The following MTDH variants were observed in gnomAD, a reference collection of about 807,000 sequenced individuals.
The protein encoded by MTDH is metadherin.
In MTDH, 34 loss-of-function variants were observed where a neutral mutation model predicts 72.7. The observed-to-expected ratio is 0.47, with a 90% confidence interval of 0.36 to 0.62. The LOEUF is 0.62. Ranked by LOEUF, MTDH falls within the 20% of genes least tolerant of loss-of-function variation. The pLI, the probability that MTDH is intolerant of heterozygous loss-of-function variation, is 0.00. For missense variants in MTDH, 677 were observed against 699.4 expected, an observed-to-expected ratio of 0.97 and a Z score of 0.36; for synonymous variants, 266 against 268.9, an observed-to-expected ratio of 0.99 and a Z score of 0.10.
chr8:97,648,211 A>G (rs1811635323), intron 1 of MTDH, among the ~76,000 whole-genome samples: 1 of 152,070 alleles, frequency 6.6e-6, no homozygotes, highest in Non-Finnish European at 1.5e-5. Context: ...TTCCCTAATT[A>G]AAAGTGAGGG....
intron 8 of MTDH, among the ~76,000 whole-genome samples, chr8:97,708,813 T>C (rs944800521): frequency 6.6e-6 from 1 of 151,636 alleles, no homozygotes; most frequent in African/African-American, 2.4e-5. Flanking sequence ...TTAGCCAGGC[T>C]GGTCTCAAAC....
rs202037798 is a variant in MTDH at position 97,644,725 on chromosome 8, G to A, written c.219G>A (p.Ala73=). The A allele has an allele frequency of 2.5e-6, 4 of 1,583,088 alleles. No homozygotes were observed. Among genetic ancestry groups the A allele is most frequent in the East Asian group, 4.8e-5 (2 of 41,540 alleles). Residue 73 remains alanine (A), a synonymous_variant, in exon 1 of 12, where the codon GCG becomes GCA. Transcript: ENST00000336273. ...LLFLLGYGWA[A]ACAGARKKRR... is the part of the protein sequence containing the mutation. Reference sequence around the variant, plus strand: ...TTCTGCTGGGCTACGGCTGGGCCGCGGCTTGCGCCGGCGCCCGCAAAAAGC... The same window carrying A: ...TTCTGCTGGGCTACGGCTGGGCCGCAGCTTGCGCCGGCGCCCGCAAAAAGC...
intron 8 of MTDH, among the ~76,000 whole-genome samples, chr8:97,712,420 T>C (rs1161356232): frequency 6.6e-6 from 1 of 152,218 alleles, no homozygotes; most frequent in South Asian, 2.1e-4. Flanking sequence ...TCAGTAGTTG[T>C]ACCTTTTTAC....
intron 1 of MTDH, among the ~76,000 whole-genome samples, chr8:97,657,049 G>GC (rs951053079): frequency 2.0e-5 from 3 of 151,888 alleles, no homozygotes; most frequent in African/African-American, 7.3e-5. Context: ...CTGCTATGTG[G>GC]CCCCCTCTTA....
intron 7 of MTDH, among the ~76,000 whole-genome samples, chr8:97,702,362 G>T (rs957598096): frequency 1.3e-5 from 2 of 152,106 alleles, no homozygotes; most frequent in African/African-American, 4.8e-5. Context: ...CCCTGCCTTT[G>T]CCCATATGCA....
In MTDH at chr8:97,644,362, C is replaced by A; in HGVS notation, c.-145C>A. 1 of 1,155,996 alleles carries A rather than the reference C, an allele frequency of 8.7e-7. No individual in the cohort carries two copies. The highest frequency in any genetic ancestry group is 1.2e-6 in the Non-Finnish European group (1 of 862,010). 71.6% of individuals were successfully genotyped at this position (1,155,996 alleles called of 1,614,324 possible). On this transcript the variant is annotated 5_prime_UTR_variant, in exon 1 of 12. Coordinates refer to ENST00000336273, the MANE Select transcript of MTDH (RefSeq NM_178812.4). ...TCCGCCCTCCCCGCGGTGGCAGCGGCCGATCCCCGGCTCCGGCGCGAGGGA... is the reference window on the plus strand; with the variant it reads ...TCCGCCCTCCCCGCGGTGGCAGCGGACGATCCCCGGCTCCGGCGCGAGGGA...
At chr8:97,664,311 G>GT (rs1410692424) in intron 2 of MTDH, among the ~76,000 whole-genome samples, 1 of 151,650 alleles carries the variant, frequency 6.6e-6, no homozygotes, top group East Asian at 1.9e-4. Flanking sequence ...AGCTGAGATC[G>GT]TACCATTGCA....
At chr8:97,684,901 A>G (rs911634104) in intron 2 of MTDH, among the ~76,000 whole-genome samples, 4 of 152,172 alleles carry the variant, frequency 2.6e-5, no homozygotes, top group African/African-American at 7.2e-5. Flanking sequence ...TCCCATCTCT[A>G]TTAAAAATAT....
At position 97,723,915 on chromosome 8, in the gene MTDH, G is replaced by A. The variant is rs562152721; in HGVS notation, c.1679-685G>A. On this transcript the variant is annotated intron_variant, in intron 11 of 11. Coordinates refer to ENST00000336273, the MANE Select transcript of MTDH (RefSeq NM_178812.4). ...TTGAAGTCAGAAGTTCAAGACCAGC[G>A]TGGCCAACATGGCGAAACCCCGTCT... 7.3e-5 allele frequency among the ~76,000 whole-genome samples: 11 copies of A among 151,362 alleles called. No homozygotes were observed. In the South Asian group the frequency reaches 1.7e-3, roughly 23 times the overall value.
intron 6 of MTDH, 131 bp downstream of exon 6, chr8:97,691,319 T>G (rs12675731): frequency 0.23 from 139,670 of 613,102 alleles, 16,982 homozygotes; most frequent in East Asian, 0.36. Flanking sequence ...TAGTAATAAT[T>G]AACTCATCTC....
intron 2 of MTDH, among the ~76,000 whole-genome samples, chr8:97,686,243 G>A (rs1813357892): frequency 6.6e-6 from 1 of 152,174 alleles, no homozygotes; most frequent in Admixed American, 6.6e-5. Flanking sequence ...CCGTATTACA[G>A]TACTGTATTT....
At position 97,667,624 on chromosome 8, in the gene MTDH, A is replaced by G. The variant is rs1397580511; in HGVS notation, c.483+6451A>G. On this transcript the variant is annotated intron_variant, in intron 2 of 11. Transcript: ENST00000336273. The stretch of plus-strand genomic sequence containing the variant: ...CCTTTTCTCAAAAATGAACAAGGCT[A>G]TCTTGTCGCTTAAAGGAAGCTGGTA... 2.0e-5 allele frequency among the ~76,000 whole-genome samples: 3 copies of G among 152,316 alleles called. No homozygotes were observed. In the East Asian group the frequency reaches 5.8e-4, roughly 29 times the overall value.
chr8:97,644,607 C>G lies in MTDH; in HGVS notation c.101C>G (p.Thr34Ser). Residue 34 changes from threonine to serine, a missense_variant, in exon 1 of 12, where the codon ACC (threonine) becomes AGC (serine). This residue lies in a region of MTDH where 467 missense variants were observed against 469.1 expected (regional missense o/e 1.00). Coordinates refer to ENST00000336273, the MANE Select transcript of MTDH (RefSeq NM_178812.4). ...TCGGTCGGCCTAGGCTTTCTGCGCACCGAGCTGGGCCTCGACCTGGGGCTG... is the reference window on the plus strand; with the variant it reads ...TCGGTCGGCCTAGGCTTTCTGCGCAGCGAGCTGGGCCTCGACCTGGGGCTG... ...MLSVGLGFLRTELGLDLGLEP... is the reference protein window; with the variant it reads ...MLSVGLGFLRSELGLDLGLEP... 6.2e-7 allele frequency: 1 copy of G among 1,609,562 alleles called. No homozygotes were observed.
chr8:97,682,872 G>A (rs934923092), intron 2 of MTDH, among the ~76,000 whole-genome samples: 7 of 151,740 alleles, frequency 4.6e-5, no homozygotes, highest in East Asian at 1.9e-4. Flanking sequence ...TGACGGGTGG[G>A]GAACAGGGTT....
Position 97,650,739 on chromosome 8 carries a change from A to G in MTDH, c.381+5852A>G, listed in dbSNP as rs140367630. On this transcript the variant is annotated intron_variant, in intron 1 of 11. Transcript: ENST00000336273. ...TTGCCTTTTAAAAATTTATTTATTT[A>G]TTTATTTTTTGAGCTGGGGTCTCAC... Among the ~76,000 whole-genome samples the G allele has an allele frequency of 7.7e-3, 1,172 of 151,460 alleles. 15 individuals carry two copies. The highest frequency in any genetic ancestry group is 0.027 in the African/African-American group (1,096 of 41,280).
chr8:97,703,055 G>A (rs1814200798), intron 7 of MTDH, among the ~76,000 whole-genome samples: 1 of 152,156 alleles, frequency 6.6e-6, no homozygotes, highest in African/African-American at 2.4e-5. Context: ...GGTACATTAG[G>A]CCTATGAATC....
rs376654543 is a variant in MTDH, at chr8:97,699,740, G to A, written c.1049-14G>A. 119 of 1,540,728 alleles carry A rather than the reference G, an allele frequency of 7.7e-5. No homozygotes were observed. The highest frequency in any genetic ancestry group is 9.1e-5 in the Non-Finnish European group (101 of 1,115,230). On this transcript the variant is annotated splice_polypyrimidine_tract_variant and intron_variant, in intron 6 of 11. Coordinates refer to ENST00000336273, the MANE Select transcript of MTDH (RefSeq NM_178812.4). Reference sequence around the variant, plus strand: ...TTCCATTTTTAATTTTATTGCATTCGTTTTTCATTTAAGGGTCTACTGCTG... The same window carrying A: ...TTCCATTTTTAATTTTATTGCATTCATTTTTCATTTAAGGGTCTACTGCTG...
At chr8:97,687,378 T>C in intron 3 of MTDH, 51 bp from the exon 4 acceptor site, 1 of 1,490,066 alleles carries the variant, frequency 6.7e-7, no homozygotes, top group South Asian at 1.4e-5. Context: ...AAACTATAAC[T>C]TTTTTGTCTT....
intron 2 of MTDH, among the ~76,000 whole-genome samples, chr8:97,667,023 A>T (rs1812419907): frequency 6.6e-6 from 1 of 151,430 alleles, no homozygotes; most frequent in Non-Finnish European, 1.5e-5. Flanking sequence ...AGAGACTCTC[A>T]CTCTGTTACC....
Sources: gnomAD v4.1 joint callset for allele counts (sites outside exome capture counted in the v4.1 genomes callset) on GRCh38, gnomAD v4.1.1 for gene constraint, gnomAD v4.1.1 regional missense constraint, MANE v1.5 for transcripts, NCBI Gene and HGNC (gene_info 2026-07-23, HGNC 2026-07-21) for gene names.